B3GALT1: variants seen among roughly 807,000 people sequenced by gnomAD.
B3GALT1 encodes UDP-Gal:betaGlcNAc beta 1,3-galactosyltransferase, polypeptide 1.
In B3GALT1, 10 loss-of-function variants were observed where a neutral mutation model predicts 23.2. The observed-to-expected ratio is 0.43, with a 90% CI of 0.27 to 0.73. B3GALT1 has a LOEUF of 0.73. Ranked by LOEUF, B3GALT1 falls within the 30% of genes least tolerant of loss-of-function variation. The pLI is 0.21. For missense variants in B3GALT1, 299 were observed against 405.4 expected, an observed-to-expected ratio of 0.74 and a Z score of 2.25; for synonymous variants, 156 against 141.5, an observed-to-expected ratio of 1.10 and a Z score of -0.73.
intron 2 of B3GALT1, among the ~76,000 whole-genome samples, chr2:167,585,129 C>T (rs549620084): frequency 5.9e-5 from 9 of 152,236 alleles, no homozygotes; most frequent in East Asian, 5.8e-4. Context: ...ACACTCTTTT[C>T]GCTCTTAAAA....
At chr2:167,669,805 G>A (rs1051620932) in intron 3 of B3GALT1, among the ~76,000 whole-genome samples, 5 of 152,060 alleles carry the variant, frequency 3.3e-5, no homozygotes, top group Admixed American at 3.3e-4. Context: ...AAATGAGACA[G>A]TGCCTGGCTT....
intron 2 of B3GALT1, among the ~76,000 whole-genome samples, chr2:167,639,720 GTCTA>G (rs1388798755): frequency 2.6e-5 from 4 of 151,670 alleles, no homozygotes; most frequent in African/African-American, 4.8e-5. Flanking sequence ...TTTTCTTTTG[GTCTA>G]TCTGTGTGTA....
chr2:167,365,943 C>A (rs904391721), intron 1 of B3GALT1, among the ~76,000 whole-genome samples: 2 of 152,112 alleles, frequency 1.3e-5, no homozygotes, highest in Non-Finnish European at 2.9e-5. Context: ...AAATGACTGG[C>A]CAAAGGCTAC....
chr2:167,497,377 A>G (rs1416824101), intron 2 of B3GALT1, among the ~76,000 whole-genome samples: 1 of 152,162 alleles, frequency 6.6e-6, no homozygotes, highest in Non-Finnish European at 1.5e-5. Flanking sequence ...AGGAAAAGGA[A>G]GTGCCAAAAC....
At chr2:167,868,084 C>T (rs1381342976) in intron 4 of B3GALT1, among the ~76,000 whole-genome samples, 2 of 152,194 alleles carry the variant, frequency 1.3e-5, no homozygotes, top group Non-Finnish European at 2.9e-5. Flanking sequence ...AAAGTGACAC[C>T]GTTTAGATCA....
intron 1 of B3GALT1, among the ~76,000 whole-genome samples, chr2:167,373,401 C>T (rs1416517047): frequency 9.2e-5 from 14 of 151,870 alleles, no homozygotes; most frequent in Admixed American, 9.2e-4. Flanking sequence ...TGAAAGACAA[C>T]ACTAAGTAAA....
At chr2:167,342,112 A>G (rs1448248564) in intron 1 of B3GALT1, among the ~76,000 whole-genome samples, 1 of 152,218 alleles carries the variant, frequency 6.6e-6, no homozygotes, top group Non-Finnish European at 1.5e-5. Flanking sequence ...GAAGGCATCC[A>G]AAGAAATTGC....
intron 2 of B3GALT1, among the ~76,000 whole-genome samples, chr2:167,636,354 G>C (rs891297192): frequency 6.6e-6 from 1 of 151,328 alleles, no homozygotes; most frequent in Non-Finnish European, 1.5e-5. Context: ...TCTGTAAGAA[G>C]GTAGGTACTC....
intron 1 of B3GALT1, among the ~76,000 whole-genome samples, chr2:167,428,758 G>A (rs1255527216): frequency 6.6e-6 from 1 of 151,998 alleles, no homozygotes; most frequent in African/African-American, 2.4e-5. Flanking sequence ...TGTTTTTATT[G>A]TTGTTGTTTG....
At chr2:167,710,407 C>G (rs540930613) in intron 3 of B3GALT1, among the ~76,000 whole-genome samples, 1 of 152,260 alleles carries the variant, frequency 6.6e-6, no homozygotes, top group South Asian at 2.1e-4. Flanking sequence ...ATTTTACAGA[C>G]GAGGAAACCG....
chr2:167,563,395 TGGCCGGGCGGGG>T (rs1259110117), intron 2 of B3GALT1, among the ~76,000 whole-genome samples: 1 of 128,580 alleles, frequency 7.8e-6, no homozygotes, highest in Non-Finnish European at 1.7e-5. Context: ...ACGGGGCGGC[TGGCCGGGCGGGG>T]GGCTGACCCC....
At chr2:167,786,277 A>G (rs1173219362) in intron 3 of B3GALT1, among the ~76,000 whole-genome samples, 1 of 152,204 alleles carries the variant, frequency 6.6e-6, no homozygotes, top group African/African-American at 2.4e-5. Flanking sequence ...GTTACACAGG[A>G]ATAATAGCAT....
chr2:167,416,983 A>G (rs1231591993), intron 1 of B3GALT1, among the ~76,000 whole-genome samples: 2 of 152,296 alleles, frequency 1.3e-5, no homozygotes, highest in East Asian at 3.9e-4. Context: ...TCATAGGCTC[A>G]TAGGTAAGAC....
chr2:167,353,317 G>A (rs561469447), intron 1 of B3GALT1, among the ~76,000 whole-genome samples: 59 of 152,288 alleles, frequency 3.9e-4, no homozygotes, highest in African/African-American at 1.3e-3. Context: ...AACAGCCAGG[G>A]TTCCAAGAGG....
At chr2:167,793,723 A>C (rs1204434240) in intron 3 of B3GALT1, among the ~76,000 whole-genome samples, 1 of 152,222 alleles carries the variant, frequency 6.6e-6, no homozygotes, top group African/African-American at 2.4e-5. Context: ...GAAACAAAAA[A>C]TTCAGCCCCC....
chr2:167,840,321 A>C (rs1019690992), intron 4 of B3GALT1, among the ~76,000 whole-genome samples: 5 of 152,266 alleles, frequency 3.3e-5, no homozygotes, highest in Admixed American at 1.3e-4. Context: ...ATGAACTCAA[A>C]CAAATTTACA....
At chr2:167,310,977 A>G (rs543079643) in intron 1 of B3GALT1, among the ~76,000 whole-genome samples, 233 of 152,206 alleles carry the variant, frequency 1.5e-3, no homozygotes, top group African/African-American at 5.3e-3. Flanking sequence ...AGTTTTGTCC[A>G]TTTATCATGG....
intron 3 of B3GALT1, among the ~76,000 whole-genome samples, chr2:167,765,697 T>G (rs1687966715): frequency 1.3e-5 from 2 of 152,220 alleles, no homozygotes; most frequent in Non-Finnish European, 2.9e-5. Context: ...CAAATTTGAC[T>G]ATAAAATACG....
rs148160462 is a variant in B3GALT1 at position 167,854,639 on chromosome 2, T to C, written c.-229-14172T>C. Among the ~76,000 whole-genome samples the C allele has an allele frequency of 7.9e-5, 12 of 152,322 alleles. No homozygotes were observed. The East Asian group carries it at 2.3e-3, about 29-fold the overall frequency. ...CATCTATGTCTTGCCCAGAGGTATC[T>C]GATGGGTGGAAACTAGGTCATTTAC... On this transcript the variant is annotated intron_variant, in intron 4 of 4. Coordinates refer to ENST00000392690, the MANE Select transcript of B3GALT1 (RefSeq NM_020981.4).
Sources: gnomAD v4.1 joint callset for allele counts (sites outside exome capture counted in the v4.1 genomes callset) on GRCh38, gnomAD v4.1.1 for gene constraint, MANE v1.5 for transcripts, NCBI Gene and HGNC (gene_info 2026-07-23, HGNC 2026-07-21) for gene names.